Variants in GPRIN3 observed in about 807,000 individuals in gnomAD.
The protein encoded by GPRIN3 is GPRIN family member 3, also known as G protein-regulated inducer of neurite outgrowth 3.
In GPRIN3, 12 loss-of-function variants were observed where a neutral mutation model predicts 13.7. The ratio of observed to expected loss-of-function variants is 0.87; its 90% CI spans 0.56 to 1.42. The LOEUF (loss-of-function observed/expected upper bound fraction) is 1.42, where lower values mean the gene tolerates loss of function less well. Among genes scored for constraint, GPRIN3 ranks in the 40% most tolerant of loss-of-function variants. The pLI, the probability that GPRIN3 is intolerant of heterozygous loss-of-function variation, is 0.00. For missense variants in GPRIN3, 1,009 were observed against 958.7 expected (o/e 1.05, Z -0.69); for synonymous variants, 377 against 372.7 (o/e 1.01, Z -0.13).
intron 1 of GPRIN3, among the ~76,000 whole-genome samples, chr4:89,286,091 G>GTGTGTATATATA (rs1039903535): frequency 2.7e-5 from 4 of 146,658 alleles, no homozygotes; most frequent in South Asian, 2.1e-4. Context: ...ATGTGTGTGT[G>GTGTGTATATATA]TATATATATA....
intron 1 of GPRIN3, among the ~76,000 whole-genome samples, chr4:89,303,425 C>T (rs770718164): frequency 7.2e-5 from 11 of 152,084 alleles, no homozygotes; most frequent in Non-Finnish European, 1.3e-4. Context: ...CTGAACAAGG[C>T]CTAACCAGTA....
rs1189962673 is a variant in GPRIN3 at position 89,246,142 on chromosome 4, G to A, written c.*1638C>T. 1 of 152,144 alleles carries A rather than the reference G, an allele frequency of 6.6e-6. No homozygotes were observed. Among genetic ancestry groups the A allele is most frequent in the African/African-American group, 2.4e-5 (1 of 41,444 alleles). 9.4% of individuals were successfully genotyped at this position (152,144 alleles called of 1,614,324 possible). ...TCAGAATGTGCAGAACAGAATTAAA[G>A]TGAAAAAAGCCAGAACAGATACTGT... On this transcript the variant is annotated 3_prime_UTR_variant, in exon 2 of 2. Coordinates refer to ENST00000609438, the MANE Select transcript of GPRIN3 (RefSeq NM_198281.3).
chr4:89,294,937 T>C (rs1220493969), intron 1 of GPRIN3, among the ~76,000 whole-genome samples: 1 of 152,196 alleles, frequency 6.6e-6, no homozygotes, highest in Non-Finnish European at 1.5e-5. Flanking sequence ...TAACCATGTG[T>C]TTGGAGTTTA....
intron 1 of GPRIN3, among the ~76,000 whole-genome samples, chr4:89,251,727 A>ACTGCAT (rs1723332624): frequency 6.6e-6 from 1 of 152,210 alleles, no homozygotes; most frequent in Non-Finnish European, 1.5e-5. Flanking sequence ...TTTGTAAAAC[A>ACTGCAT]ATGACCTAAA....
chr4:89,296,126 C>CTCTA (rs1189366021), intron 1 of GPRIN3, among the ~76,000 whole-genome samples: 1 of 152,104 alleles, frequency 6.6e-6, no homozygotes, highest in African/African-American at 2.4e-5. Flanking sequence ...AAGCAGTGCT[C>CTCTA]TCTACTGTGT....
intron 1 of GPRIN3, among the ~76,000 whole-genome samples, chr4:89,270,363 T>G (rs1416311989): frequency 6.6e-6 from 1 of 151,154 alleles, no homozygotes; most frequent in African/African-American, 2.4e-5. Context: ...CAAAAGTGAG[T>G]TAACTGAAAT....
chr4:89,275,464 G>C (rs545231970), intron 1 of GPRIN3, among the ~76,000 whole-genome samples: 1 of 152,240 alleles, frequency 6.6e-6, no homozygotes, highest in Admixed American at 6.5e-5. Context: ...TAGGTTATGT[G>C]GGTATCTTGG....
In GPRIN3 at chr4:89,239,707, G is replaced by C. The variant is rs930611342; in HGVS notation, c.*8073C>G. ...GACAGAGCCTTGCCCTGTCTCCCAG[G>C]CTGGAGTGCAATGGCGCGAACTTGG... On this transcript the variant is annotated 3_prime_UTR_variant, in exon 2 of 2. Coordinates refer to ENST00000609438, the MANE Select transcript of GPRIN3 (RefSeq NM_198281.3). The C allele has an allele frequency of 6.6e-6, 1 of 152,112 alleles. No homozygotes were observed. Among genetic ancestry groups the C allele is most frequent in the African/African-American group, 2.4e-5 (1 of 41,418 alleles). The allele number at this position is 152,112 out of a possible 1,614,324, so 9.4% of individuals were successfully genotyped here.
Position 89,244,119 on chromosome 4 carries a change from A to G in GPRIN3, c.*3661T>C, listed in dbSNP as rs1191477844. 1.3e-5 allele frequency: 2 copies of G among 152,208 alleles called. No homozygotes were observed. Among genetic ancestry groups the G allele is most frequent in the African/African-American group, 4.8e-5 (2 of 41,456 alleles). 9.4% of individuals were successfully genotyped at this position (152,208 alleles called of 1,614,324 possible). A position where few individuals can be genotyped will look rare whatever the true frequency, so the allele number is the denominator to read the frequency against. On this transcript the variant is annotated 3_prime_UTR_variant, in exon 2 of 2. Coordinates refer to ENST00000609438, the MANE Select transcript of GPRIN3 (RefSeq NM_198281.3). ...AGAATGACAGGCATTCCCAGAAATGAGAGGAAAAACATTAGTATAAGCTAG... is the reference window on the plus strand; with the variant it reads ...AGAATGACAGGCATTCCCAGAAATGGGAGGAAAAACATTAGTATAAGCTAG...
intron 1 of GPRIN3, among the ~76,000 whole-genome samples, chr4:89,276,650 A>C (rs1724101875): frequency 6.6e-6 from 1 of 152,258 alleles, no homozygotes; most frequent in South Asian, 2.1e-4. Flanking sequence ...GCAAACCATT[A>C]AGAAATGAAG....
At position 89,249,203 on chromosome 4, in the gene GPRIN3, T is replaced by C. The variant is rs1251137055; in HGVS notation, c.908A>G (p.Asn303Ser). Residue 303 changes from asparagine (N) to serine (S), a missense_variant, in exon 2 of 2, where the codon AAC (asparagine) becomes AGC (serine). Physicochemically the swap from Asn to Ser is conservative, Grantham distance 46. Coordinates refer to ENST00000609438, the MANE Select transcript of GPRIN3 (RefSeq NM_198281.3). ...TTCCTTGATTTCACTTTCAGCTTGG[T>C]TGGTCATCGTACTGGCTTCTTTGAA... ...SRFKEASTMT[N>S]QAESEIKEVP... 2.5e-6 allele frequency: 4 copies of C among 1,614,164 alleles called. No homozygotes were observed. Among genetic ancestry groups the C allele is most frequent in the Admixed American group, 1.7e-5 (1 of 60,028 alleles).
At chr4:89,295,947 G>A (rs1223186919) in intron 1 of GPRIN3, among the ~76,000 whole-genome samples, 1 of 152,054 alleles carries the variant, frequency 6.6e-6, no homozygotes, top group Non-Finnish European at 1.5e-5. Flanking sequence ...CAGGTTTGAT[G>A]TACTTGTTAT....
At chr4:89,291,160 C>A (rs1018553186) in intron 1 of GPRIN3, among the ~76,000 whole-genome samples, 6 of 152,098 alleles carry the variant, frequency 3.9e-5, no homozygotes, top group Non-Finnish European at 5.9e-5. Flanking sequence ...ATATTCCTGA[C>A]CATGATTTGG....
intron 1 of GPRIN3, among the ~76,000 whole-genome samples, chr4:89,297,051 C>T (rs1049124625): frequency 6.6e-6 from 1 of 152,170 alleles, no homozygotes; most frequent in Non-Finnish European, 1.5e-5. Flanking sequence ...AAGCTCATGG[C>T]CTTTGACATT....
chr4:89,289,615 G>A (rs7658889), intron 1 of GPRIN3, among the ~76,000 whole-genome samples: 3,281 of 152,154 alleles, frequency 0.022, 112 homozygotes, highest in African/African-American at 0.072. Flanking sequence ...TTTCAGAAAC[G>A]TATGAGTTTT....
At position 89,248,812 on chromosome 4, in the gene GPRIN3, C is replaced by G; in HGVS notation, c.1299G>C (p.Thr433=). Residue 433 remains threonine (T), a synonymous_variant, in exon 2 of 2, where the codon ACG becomes ACC. Coordinates refer to ENST00000609438, the MANE Select transcript of GPRIN3 (RefSeq NM_198281.3). ...INLVSSNAQH[T]CKEDGRLAGM... ...CTGCTAACCTCCCATCTTCTTTACA[C>G]GTATGCTGGGCATTACTGGAGACCA... 1 of 1,614,192 alleles carries G rather than the reference C, an allele frequency of 6.2e-7. No homozygotes were observed. Among genetic ancestry groups the G allele is most frequent in the East Asian group, 2.2e-5 (1 of 44,880 alleles).
intron 1 of GPRIN3, among the ~76,000 whole-genome samples, chr4:89,254,151 GGA>G (rs1229334941): frequency 7.1e-6 from 1 of 140,646 alleles, no homozygotes; most frequent in Non-Finnish European, 1.6e-5. Flanking sequence ...GTGTGTGTGT[GGA>G]GTGTGTGTCC....
rs1255861053 is a variant in GPRIN3, at chr4:89,285,072, G to A, written c.-124+22543C>T. The stretch of plus-strand genomic sequence containing the variant: ...CCCACAGAGGAGTGACTCAGCTCAA[G>A]GGGACAGACAGCTTTGACTCCCTAT... On this transcript the variant is annotated intron_variant, in intron 1 of 1. Coordinates refer to ENST00000609438, the MANE Select transcript of GPRIN3 (RefSeq NM_198281.3). Among the ~76,000 whole-genome samples, 3 of 152,018 alleles carry A rather than the reference G, an allele frequency of 2.0e-5. No homozygotes were observed. The East Asian group carries it at 5.8e-4, about 29-fold the overall frequency.
intron 1 of GPRIN3, among the ~76,000 whole-genome samples, chr4:89,300,141 G>T (rs1251792112): frequency 6.6e-6 from 1 of 152,090 alleles, no homozygotes; most frequent in Admixed American, 6.6e-5. Flanking sequence ...GTTAATGGGG[G>T]TTAACTATAT....
Sources: allele counts gnomAD v4.1 joint callset (sites outside exome capture counted in the v4.1 genomes callset), GRCh38; gene constraint gnomAD v4.1.1; transcripts MANE v1.5; gene names NCBI Gene and HGNC (gene_info 2026-07-23, HGNC 2026-07-21).